ERBB4: variants seen among roughly 807,000 people sequenced by gnomAD.
ERBB4 encodes erb-b2 receptor tyrosine kinase 4.
Under a neutral mutation model 158.0 loss-of-function variants are expected in ERBB4, and 42 were observed. The ratio of observed to expected loss-of-function variants is 0.27; its 90% CI spans 0.21 to 0.34. The LOEUF (loss-of-function observed/expected upper bound fraction) is 0.34. Among genes scored for constraint, ERBB4 ranks in the 10% least tolerant of loss-of-function variants. The pLI is 1.00. For missense variants in ERBB4, 1,333 were observed against 1,624.1 expected (o/e 0.82, Z 3.08); for synonymous variants, 583 against 558.7 (o/e 1.04, Z -0.61).
chr2:211,621,246 T>C (rs2069591706), intron 18 of ERBB4, among the ~76,000 whole-genome samples: 1 of 152,112 alleles, frequency 6.6e-6, no homozygotes, highest in Non-Finnish European at 1.5e-5. Context: ...TTCACTATTT[T>C]CTGGGACTGA....
intron 19 of ERBB4, among the ~76,000 whole-genome samples, chr2:211,616,151 T>C (rs1333590635): frequency 6.6e-6 from 1 of 152,012 alleles, no homozygotes; most frequent in Non-Finnish European, 1.5e-5. Flanking sequence ...TGGAAGGATA[T>C]GTAGGGGGTG....
chr2:212,013,023 G>T (rs1332640292), intron 2 of ERBB4, among the ~76,000 whole-genome samples: 2 of 151,186 alleles, frequency 1.3e-5, no homozygotes, highest in Non-Finnish European at 2.9e-5. Flanking sequence ...GATACTACAG[G>T]CATGAGACAC....
chr2:211,673,695 G>C (rs2071942234), intron 13 of ERBB4, among the ~76,000 whole-genome samples: 1 of 151,918 alleles, frequency 6.6e-6, no homozygotes, highest in South Asian at 2.1e-4. Context: ...TTACATGAAT[G>C]TTCCCAATCC....
intron 1 of ERBB4, among the ~76,000 whole-genome samples, chr2:212,463,705 G>T (rs1688689424): frequency 6.6e-6 from 1 of 152,044 alleles, no homozygotes; most frequent in Non-Finnish European, 1.5e-5. Context: ...CTGACAATCT[G>T]AGAGGCACAA....
intron 3 of ERBB4, among the ~76,000 whole-genome samples, chr2:211,804,968 G>A (rs1007436493): frequency 5.5e-5 from 8 of 145,740 alleles, no homozygotes; most frequent in Non-Finnish European, 1.2e-4. Flanking sequence ...CACCCAGGCT[G>A]GAGTGCAACG....
chr2:211,832,260 T>C (rs1324215120), intron 3 of ERBB4, among the ~76,000 whole-genome samples: 1 of 152,154 alleles, frequency 6.6e-6, no homozygotes, highest in African/African-American at 2.4e-5. Context: ...AAAAAGTTGA[T>C]TATTATGAGA....
chr2:211,745,777 G>T (rs997365736), intron 5 of ERBB4, among the ~76,000 whole-genome samples: 1 of 142,910 alleles, frequency 7.0e-6, no homozygotes, highest in Non-Finnish European at 1.5e-5. Flanking sequence ...CCATTTTATA[G>T]ATATGGTAAT....
chr2:212,362,168 A>AT (rs565235604), intron 1 of ERBB4, among the ~76,000 whole-genome samples: 6 of 151,430 alleles, frequency 4.0e-5, no homozygotes, highest in Non-Finnish European at 7.4e-5. Context: ...AGTGGCTATC[A>AT]TTTTTTATTT....
chr2:211,841,313 C>T (rs530399580), intron 3 of ERBB4, among the ~76,000 whole-genome samples: 13 of 152,138 alleles, frequency 8.5e-5, no homozygotes, highest in Admixed American at 7.9e-4. Flanking sequence ...ATACTAACAG[C>T]TATTGAAGTC....
At chr2:212,123,347 G>A (rs887256885) in intron 2 of ERBB4, among the ~76,000 whole-genome samples, 2 of 152,144 alleles carry the variant, frequency 1.3e-5, no homozygotes. Context: ...AGGTTGCAAT[G>A]AGCCGATATC....
intron 1 of ERBB4, among the ~76,000 whole-genome samples, chr2:212,245,530 T>C (rs1398116037): frequency 4.6e-5 from 7 of 152,196 alleles, no homozygotes; most frequent in Admixed American, 4.6e-4. Flanking sequence ...TTATTCATAT[T>C]GTCAGTGAAA....
chr2:212,192,065 TTA>T (rs748410463), intron 1 of ERBB4, among the ~76,000 whole-genome samples: 12,527 of 115,440 alleles, frequency 0.11, 1,011 homozygotes, highest in Non-Finnish European at 0.14. Context: ...GTTATATATG[TTA>T]TATGTTATAT....
intron 3 of ERBB4, among the ~76,000 whole-genome samples, chr2:211,885,068 T>A (rs1432587944): frequency 6.6e-6 from 1 of 152,226 alleles, no homozygotes; most frequent in Non-Finnish European, 1.5e-5. Flanking sequence ...TAATATTTTT[T>A]AAAATGATTA....
intron 20 of ERBB4, among the ~76,000 whole-genome samples, chr2:211,520,734 AC>A (rs2066164100): frequency 6.6e-6 from 1 of 152,164 alleles, no homozygotes; most frequent in Non-Finnish European, 1.5e-5. Flanking sequence ...GTTTGTGGCA[AC>A]CCTGCATTGA....
intron 3 of ERBB4, among the ~76,000 whole-genome samples, chr2:211,843,728 TG>T (rs1286375933): frequency 2.1e-5 from 3 of 143,342 alleles, no homozygotes; most frequent in Non-Finnish European, 4.7e-5. Flanking sequence ...GAGCTTTCAT[TG>T]TTTTAACTAC....
chr2:211,675,212 G>T (rs937262478), intron 13 of ERBB4, among the ~76,000 whole-genome samples: 1 of 5,196 alleles, frequency 1.9e-4, no homozygotes, highest in Non-Finnish European at 5.1e-4. Context: ...CTTTGGATAG[G>T]GAGCTTTGTT....
At chr2:211,488,649 T>C (rs897607653) in intron 20 of ERBB4, among the ~76,000 whole-genome samples, 2 of 152,078 alleles carry the variant, frequency 1.3e-5, no homozygotes, top group Non-Finnish European at 2.9e-5. Flanking sequence ...TTTTAAAAGA[T>C]ACACTGAATT....
intron 20 of ERBB4, among the ~76,000 whole-genome samples, chr2:211,531,385 A>G: frequency 6.6e-6 from 1 of 152,088 alleles, no homozygotes; most frequent in Non-Finnish European, 1.5e-5. Context: ...GACAACCCAC[A>G]GAATGGGAGA....
intron 2 of ERBB4, among the ~76,000 whole-genome samples, chr2:212,099,534 A>T (rs2079023865): frequency 6.6e-6 from 1 of 152,172 alleles, no homozygotes; most frequent in Non-Finnish European, 1.5e-5. Context: ...CCTTAATAGC[A>T]AGGCACAATT....
Sources: allele counts gnomAD v4.1 joint callset (sites outside exome capture counted in the v4.1 genomes callset), GRCh38; gene constraint gnomAD v4.1.1; transcripts MANE v1.5; gene names NCBI Gene and HGNC (gene_info 2026-07-23, HGNC 2026-07-21).